The following PCDH9 variants were observed in gnomAD, a reference collection of about 807,000 sequenced individuals.
The protein encoded by PCDH9 is protocadherin 9.
PCDH9 carries 24 observed loss-of-function variants against 70.6 expected under a neutral mutation model. The observed-to-expected ratio is 0.34, with a 90% CI of 0.25 to 0.48. The LOEUF is 0.48. Ranked by LOEUF, PCDH9 falls within the 20% of genes least tolerant of loss-of-function variation. PCDH9 has a pLI of 0.99. For synonymous variants in PCDH9, 562 were observed against 558.5 expected (o/e 1.01, Z -0.09); for missense variants, 1,281 against 1,503.6 (o/e 0.85, Z 2.45).
chr13:66,796,972 A>C (rs9540916), intron 3 of PCDH9, among the ~76,000 whole-genome samples: 2 of 152,170 alleles, frequency 1.3e-5, no homozygotes, highest in South Asian at 2.1e-4. Flanking sequence ...TGCAATGATT[A>C]TAAGAGGTGA....
At chr13:67,130,448 AT>A (rs1193044536) in intron 2 of PCDH9, among the ~76,000 whole-genome samples, 6 of 152,134 alleles carry the variant, frequency 3.9e-5, no homozygotes, top group African/African-American at 1.4e-4. Flanking sequence ...TAAAAAAGGT[AT>A]TGTTAGTACA....
chr13:67,226,674 A>C lies in PCDH9; in HGVS notation c.1767T>G (p.Ser589Arg). 1.9e-6 allele frequency: 3 copies of C among 1,613,578 alleles called. No individual in the cohort carries two copies. Among genetic ancestry groups the C allele is most frequent in the Non-Finnish European group, 2.5e-6 (3 of 1,179,504 alleles). The change falls in exon 2 of 5, where the codon AGT becomes AGG. Residue 589 changes from serine to arginine, a missense_variant. By Grantham distance (110) the Ser-to-Arg change is moderately radical (BLOSUM62 -1). Coordinates refer to ENST00000377865, the MANE Select transcript of PCDH9 (RefSeq NM_203487.3). The surrounding 1 kb of genome is among the most constrained non-coding windows in gnomAD (Gnocchi z 5.0). ...CTGTCACTGTGATTACCCCCACAGT[A>C]CTATACTTTGGCAGATTCTCAGACA... The part of the protein sequence containing the change: ...FFVSENLPKY[S>R]TVGVITVTDA...
chr13:66,821,421 C>T (rs897363367), intron 3 of PCDH9, among the ~76,000 whole-genome samples: 1 of 152,040 alleles, frequency 6.6e-6, no homozygotes, highest in Non-Finnish European at 1.5e-5. Flanking sequence ...GCTAAATGGA[C>T]CATTTTATAT....
chr13:67,180,406 C>A (rs901729864), intron 2 of PCDH9, among the ~76,000 whole-genome samples: 28 of 152,014 alleles, frequency 1.8e-4, no homozygotes, highest in African/African-American at 6.3e-4. Context: ...TCCAAATCTG[C>A]CAGTGAAGCT....
At chr13:66,616,769 T>A (rs2077361440) in intron 4 of PCDH9, among the ~76,000 whole-genome samples, 1 of 152,056 alleles carries the variant, frequency 6.6e-6, no homozygotes, top group South Asian at 2.1e-4. Flanking sequence ...AGCCACCAAT[T>A]ATCTGAGTGT....
intron 4 of PCDH9, among the ~76,000 whole-genome samples, chr13:66,524,483 G>C (rs1196309699): frequency 6.6e-6 from 1 of 152,038 alleles, no homozygotes; most frequent in Non-Finnish European, 1.5e-5. Flanking sequence ...TTCTGCTGAA[G>C]AAATCCTGGA....
chr13:66,817,489 A>G (rs116365749), intron 3 of PCDH9, among the ~76,000 whole-genome samples: 3,161 of 152,200 alleles, frequency 0.021, 127 homozygotes, highest in African/African-American at 0.07. Context: ...GCATATAAAT[A>G]CCTTAGCATT....
intron 3 of PCDH9, among the ~76,000 whole-genome samples, chr13:66,780,166 G>T (rs2079975056): frequency 6.6e-6 from 1 of 151,900 alleles, no homozygotes; most frequent in Admixed American, 6.6e-5. Context: ...CTTCATTATA[G>T]TAACCTCTTT....
chr13:67,094,374 T>C (rs570657512), intron 2 of PCDH9, among the ~76,000 whole-genome samples: 4 of 152,320 alleles, frequency 2.6e-5, no homozygotes, highest in Admixed American at 2.0e-4. Flanking sequence ...CTTAACACTA[T>C]GTAGGTAGCT....
At chr13:66,753,566 T>C (rs74093195) in intron 3 of PCDH9, among the ~76,000 whole-genome samples, 2 of 152,270 alleles carry the variant, frequency 1.3e-5, no homozygotes, top group African/African-American at 2.4e-5. Flanking sequence ...AAATAAATAC[T>C]AATGAGGTAA....
At chr13:67,074,030 T>TTCTA (rs35805308) in intron 2 of PCDH9, among the ~76,000 whole-genome samples, 25,491 of 148,890 alleles carry the variant, frequency 0.17, 2,300 homozygotes, top group Middle Eastern at 0.2. Flanking sequence ...TGAGATGAAA[T>TTCTA]TCTATCTATC....
intron 4 of PCDH9, among the ~76,000 whole-genome samples, chr13:66,322,799 G>A (rs371721368): frequency 1.3e-4 from 19 of 151,956 alleles, no homozygotes; most frequent in Admixed American, 7.2e-4. Flanking sequence ...ATGTGGGCAC[G>A]TATATCACTC....
chr13:66,713,608 A>T (rs2078824066), intron 3 of PCDH9, among the ~76,000 whole-genome samples: 1 of 96,898 alleles, frequency 1.0e-5, no homozygotes, highest in African/African-American at 3.8e-5. Flanking sequence ...GTATATATAT[A>T]TAAAGTGTGT....
chr13:66,727,128 T>C (rs951865255), intron 3 of PCDH9, among the ~76,000 whole-genome samples: 3 of 152,012 alleles, frequency 2.0e-5, no homozygotes, highest in Non-Finnish European at 4.4e-5. Context: ...ATTAGCCAGG[T>C]GTGTTGGCAC....
At chr13:66,396,578 TAGATAGAC>T (rs1158933677) in intron 4 of PCDH9, among the ~76,000 whole-genome samples, 1 of 123,626 alleles carries the variant, frequency 8.1e-6, no homozygotes, top group Admixed American at 1.0e-4. Flanking sequence ...ATATACGAAA[TAGATAGAC>T]AGACAGATAG....
intron 3 of PCDH9, 86 bp from the exon 4 acceptor site, chr13:66,631,497 A>G: frequency 9.5e-6 from 7 of 733,188 alleles, no homozygotes; most frequent in Non-Finnish European, 1.6e-5. Flanking sequence ...AACACTTTCA[A>G]CAAGTAACAC....
chr13:66,780,519 A>G (rs2079981189), intron 3 of PCDH9, among the ~76,000 whole-genome samples: 1 of 152,120 alleles, frequency 6.6e-6, no homozygotes, highest in Non-Finnish European at 1.5e-5. Context: ...CCATTCTTTC[A>G]GATTCCCATG....
chr13:66,460,038 T>G (rs753273173), intron 4 of PCDH9, among the ~76,000 whole-genome samples: 2 of 151,902 alleles, frequency 1.3e-5, no homozygotes, highest in African/African-American at 4.8e-5. Flanking sequence ...ATCTGTATGG[T>G]ATCATTTGAA....
intron 3 of PCDH9, among the ~76,000 whole-genome samples, chr13:66,726,531 T>C (rs1031046467): frequency 6.6e-6 from 1 of 152,214 alleles, no homozygotes; most frequent in African/African-American, 2.4e-5. Flanking sequence ...TAAGTCACTG[T>C]GACTCTCATG....
Sources: allele counts gnomAD v4.1 joint callset (sites outside exome capture counted in the v4.1 genomes callset), GRCh38; gene constraint gnomAD v4.1.1; non-coding constraint Gnocchi (gnomAD v3.1); transcripts MANE v1.5; gene names NCBI Gene and HGNC (gene_info 2026-07-23, HGNC 2026-07-21).